The following ROR1 variants were observed in gnomAD, a reference collection of about 807,000 sequenced individuals.
ROR1 encodes the protein ROR family WNT receptor 1, also known as inactive tyrosine-protein kinase transmembrane receptor ROR1.
In ROR1, 19 loss-of-function variants were observed where a neutral mutation model predicts 78.8. That is an observed-to-expected ratio of 0.24 (90% CI 0.17 to 0.35). The LOEUF is 0.35. ROR1 is among the 10% of genes least tolerant of loss of function. ROR1 has a pLI of 1.00. For missense variants in ROR1, 917 were observed against 1,177.8 expected, an observed-to-expected ratio of 0.78 and a Z score of 3.24; for synonymous variants, 386 against 433.6, an observed-to-expected ratio of 0.89 and a Z score of 1.36.
intron 4 of ROR1, among the ~76,000 whole-genome samples, chr1:64,083,307 G>A (rs976714031): frequency 6.6e-6 from 1 of 152,166 alleles, no homozygotes; most frequent in Admixed American, 6.5e-5. Context: ...TCTGAGTAGG[G>A]ACTGAGGTCT....
intron 7 of ROR1, among the ~76,000 whole-genome samples, chr1:64,155,327 T>G (rs894064623): frequency 6.6e-6 from 1 of 152,238 alleles, no homozygotes; most frequent in Non-Finnish European, 1.5e-5. Flanking sequence ...CAGCAGAGAC[T>G]GAATCCCCTT....
intron 1 of ROR1, among the ~76,000 whole-genome samples, chr1:63,980,229 T>C (rs1646198913): frequency 6.6e-6 from 1 of 152,060 alleles, no homozygotes; most frequent in Non-Finnish European, 1.5e-5. Flanking sequence ...TGCTGCCAGA[T>C]TGGAGGAATT....
chr1:64,131,684 G>A (rs1020991545), intron 4 of ROR1, among the ~76,000 whole-genome samples: 1 of 152,124 alleles, frequency 6.6e-6, no homozygotes, highest in Non-Finnish European at 1.5e-5. Context: ...ATGTGATCAT[G>A]GCTAACTACA....
chr1:64,128,227 G>C (rs950176529), intron 4 of ROR1, among the ~76,000 whole-genome samples: 9 of 147,464 alleles, frequency 6.1e-5, no homozygotes, highest in African/African-American at 2.0e-4. Flanking sequence ...GATCAAGGTG[G>C]GAGGATTGCT....
At chr1:64,046,014 C>T (rs1346474832) in intron 2 of ROR1, among the ~76,000 whole-genome samples, 1 of 152,178 alleles carries the variant, frequency 6.6e-6, no homozygotes, top group Non-Finnish European at 1.5e-5. Context: ...AAGGTACAAA[C>T]AGCCAGGTTT....
intron 4 of ROR1, among the ~76,000 whole-genome samples, chr1:64,124,972 A>C (rs896942550): frequency 6.6e-6 from 1 of 152,242 alleles, no homozygotes; most frequent in Non-Finnish European, 1.5e-5. Flanking sequence ...ACAGAATGTG[A>C]GCACAATAGA....
chr1:63,975,345 C>G (rs950839141), intron 1 of ROR1, among the ~76,000 whole-genome samples: 4 of 152,172 alleles, frequency 2.6e-5, no homozygotes, highest in African/African-American at 9.6e-5. Context: ...CATGCTGGCA[C>G]TGGACTGAAG....
intron 4 of ROR1, among the ~76,000 whole-genome samples, chr1:64,091,806 C>T (rs111290835): frequency 2.0e-5 from 3 of 152,244 alleles, no homozygotes; most frequent in African/African-American, 7.2e-5. Context: ...TGAAGCCATG[C>T]CTTTTCTCCT....
intron 4 of ROR1, among the ~76,000 whole-genome samples, chr1:64,098,668 A>G (rs1305162227): frequency 6.6e-6 from 1 of 152,136 alleles, no homozygotes; most frequent in Non-Finnish European, 1.5e-5. Flanking sequence ...GGGATTCTTC[A>G]GGATCAGTCC....
At chr1:64,063,993 C>A (rs552271755) in intron 4 of ROR1, among the ~76,000 whole-genome samples, 2 of 152,306 alleles carry the variant, frequency 1.3e-5, no homozygotes, top group African/African-American at 2.4e-5. Context: ...TTGTAGACAC[C>A]AAAGGAGTTG....
intron 1 of ROR1, among the ~76,000 whole-genome samples, chr1:63,923,999 A>T (rs976802068): frequency 6.6e-6 from 1 of 151,846 alleles, no homozygotes; most frequent in African/African-American, 2.4e-5. Context: ...GAAATTTTGT[A>T]GCTCTAAACA....
intron 2 of ROR1, among the ~76,000 whole-genome samples, chr1:64,032,020 C>T (rs1646664078): frequency 6.6e-6 from 1 of 151,928 alleles, no homozygotes; most frequent in Non-Finnish European, 1.5e-5. Context: ...AAAAATATCA[C>T]AGGTATCTTC....
intron 8 of ROR1, among the ~76,000 whole-genome samples, chr1:64,175,534 C>A (rs1379234765): frequency 6.6e-6 from 1 of 152,108 alleles, no homozygotes; most frequent in African/African-American, 2.4e-5. Context: ...AAGTTTAAAG[C>A]AACAAATTAC....
chr1:64,028,936 C>G (rs1237693003), intron 2 of ROR1: 1 of 152,068 alleles, frequency 6.6e-6, no homozygotes, highest in Non-Finnish European at 1.5e-5. Flanking sequence ...CATCTTTGCC[C>G]AGGGGCCATG....
chr1:63,846,693 C>T (rs759360395), intron 1 of ROR1, among the ~76,000 whole-genome samples: 27 of 152,136 alleles, frequency 1.8e-4, no homozygotes, highest in African/African-American at 3.6e-4. Flanking sequence ...TGCAACTGCG[C>T]GGCTTGATAC....
chr1:64,081,555 T>A (rs2100632030), intron 4 of ROR1, among the ~76,000 whole-genome samples: 1 of 151,914 alleles, frequency 6.6e-6, no homozygotes, highest in African/African-American at 2.4e-5. Context: ...GGTGGGAGGA[T>A]TGCTTGGGCT....
intron 7 of ROR1, among the ~76,000 whole-genome samples, chr1:64,157,603 G>A (rs1285564389): frequency 1.3e-5 from 2 of 152,168 alleles, no homozygotes; most frequent in African/African-American, 4.8e-5. Context: ...CAAACAAGGT[G>A]TGTACAAGTA....
chr1:63,883,970 G>A (rs1462917188), intron 1 of ROR1, among the ~76,000 whole-genome samples: 1 of 152,174 alleles, frequency 6.6e-6, no homozygotes, highest in Non-Finnish European at 1.5e-5. Context: ...AAACCTGCCT[G>A]TTAATCACCT....
At chr1:63,786,571 CTTTTTT>C (rs10530236) in intron 1 of ROR1, among the ~76,000 whole-genome samples, 1 of 113,342 alleles carries the variant, frequency 8.8e-6, no homozygotes, top group Non-Finnish European at 1.8e-5. Context: ...CGCGCCTGGC[CTTTTTT>C]TTTTTTTTTT....
Sources: allele counts gnomAD v4.1 joint callset (sites outside exome capture counted in the v4.1 genomes callset), GRCh38; gene constraint gnomAD v4.1.1; transcripts MANE v1.5; gene names NCBI Gene and HGNC (gene_info 2026-07-23, HGNC 2026-07-21).